Variants in NAV2 observed in about 807,000 individuals in gnomAD.
NAV2 encodes the protein helicase, APC down-regulated 1.
Under a neutral mutation model 223.2 loss-of-function variants are expected in NAV2, and 54 were observed. That is an observed-to-expected ratio of 0.24 (90% CI 0.19 to 0.30). NAV2 has a LOEUF of 0.30. Ranked by LOEUF, NAV2 falls within the 10% of genes least tolerant of loss-of-function variation. The pLI, the probability that NAV2 is intolerant of heterozygous loss-of-function variation, is 1.00. For synonymous variants in NAV2, 1,279 were observed against 1,239.3 expected (o/e 1.03, Z -0.67); for missense variants, 2,806 against 3,147.5 (o/e 0.89, Z 2.60).
chr11:19,674,287 C>T (rs2048655962), intron 1 of NAV2, among the ~76,000 whole-genome samples: 1 of 152,182 alleles, frequency 6.6e-6, no homozygotes, highest in Non-Finnish European at 1.5e-5. Flanking sequence ...ATTTCCACTC[C>T]AGGGTACTTA....
exon 1 of NAV2, chr11:19,351,006 C>T (rs779146714): frequency 1.4e-5 from 21 of 1,551,552 alleles, no homozygotes; most frequent in Non-Finnish European, 7.0e-6. Flanking sequence ...CAGTTATCCA[C>T]GGACTGGAAG....
At chr11:20,040,026 A>T (rs2056764836) in intron 12 of NAV2, among the ~76,000 whole-genome samples, 1 of 152,182 alleles carries the variant, frequency 6.6e-6, no homozygotes, top group Admixed American at 6.5e-5. Context: ...GATGTGTAAA[A>T]TGTGGATAAT....
intron 35 of NAV2, chr11:20,107,425 G>T: frequency 1.8e-6 from 1 of 541,254 alleles, no homozygotes; most frequent in East Asian, 3.1e-5. Context: ...GCCACAGTGA[G>T]CATCTTCCCC....
At chr11:19,535,637 A>C (rs2044163184) in intron 1 of NAV2, among the ~76,000 whole-genome samples, 1 of 152,222 alleles carries the variant, frequency 6.6e-6, no homozygotes, top group Admixed American at 6.5e-5. Context: ...TTAATAAATT[A>C]TCTCTCAGCG....
intron 1 of NAV2, among the ~76,000 whole-genome samples, chr11:19,670,761 C>G (rs191653713): frequency 6.6e-6 from 1 of 152,352 alleles, no homozygotes; most frequent in East Asian, 1.9e-4. Context: ...GATGCTGCAG[C>G]TTGCGGGCAC....
intron 1 of NAV2, among the ~76,000 whole-genome samples, chr11:19,587,105 C>T (rs897954874): frequency 5.9e-5 from 9 of 152,186 alleles, no homozygotes; most frequent in Non-Finnish European, 8.8e-5. Context: ...GCCTTGCTGC[C>T]GCCTTGCAGT....
At chr11:19,911,851 C>A (rs1277402906) in intron 6 of NAV2, among the ~76,000 whole-genome samples, 1 of 152,120 alleles carries the variant, frequency 6.6e-6, no homozygotes, top group Non-Finnish European at 1.5e-5. Context: ...ATCCAGTGAT[C>A]GGTTTATTTG....
At chr11:19,860,183 T>C (rs1198216026) in intron 3 of NAV2, among the ~76,000 whole-genome samples, 2 of 135,248 alleles carry the variant, frequency 1.5e-5, no homozygotes, top group Non-Finnish European at 1.6e-5. Flanking sequence ...ACCCCCCACC[T>C]CCCTCCCAGA....
chr11:19,799,543 C>G (rs749107359), intron 1 of NAV2, among the ~76,000 whole-genome samples: 1 of 146,396 alleles, frequency 6.8e-6, no homozygotes, highest in Non-Finnish European at 1.5e-5. Flanking sequence ...CTGGCCAGGA[C>G]GCCCGTTATA....
chr11:19,866,130 C>T (rs536422887), intron 3 of NAV2, among the ~76,000 whole-genome samples: 18 of 152,384 alleles, frequency 1.2e-4, no homozygotes, highest in African/African-American at 4.1e-4. Flanking sequence ...CAGACATCTA[C>T]ACAATGATGT....
At chr11:19,887,807 G>A (rs183513999) in intron 5 of NAV2, among the ~76,000 whole-genome samples, 90 of 152,176 alleles carry the variant, frequency 5.9e-4, no homozygotes, top group Non-Finnish European at 1.1e-3. Flanking sequence ...GATTTAGTAT[G>A]TAATCATCTC....
intron 1 of NAV2, among the ~76,000 whole-genome samples, chr11:19,410,183 G>T (rs1289531905): frequency 6.6e-6 from 1 of 152,174 alleles, no homozygotes; most frequent in Non-Finnish European, 1.5e-5. Context: ...TATAGAACAT[G>T]CAGAGGCAGC....
intron 1 of NAV2, among the ~76,000 whole-genome samples, chr11:19,781,442 G>A (rs529328478): frequency 5.3e-4 from 80 of 152,244 alleles, no homozygotes; most frequent in African/African-American, 1.6e-3. Context: ...ACCCTTCAGC[G>A]TCTTGGAAAA....
chr11:19,841,841 C>G (rs568010137), intron 2 of NAV2, among the ~76,000 whole-genome samples: 1 of 152,260 alleles, frequency 6.6e-6, no homozygotes, highest in South Asian at 2.1e-4. Context: ...ATGATACTAC[C>G]ATTTAGAGAA....
intron 10 of NAV2, among the ~76,000 whole-genome samples, chr11:19,966,414 G>T (rs1182042927): frequency 6.6e-6 from 1 of 152,140 alleles, no homozygotes; most frequent in South Asian, 2.1e-4. Context: ...AGAGCATGGT[G>T]CATCATGGGC....
intron 4 of NAV2, among the ~76,000 whole-genome samples, chr11:19,873,900 T>G (rs1188682923): frequency 6.6e-6 from 1 of 152,154 alleles, no homozygotes; most frequent in Non-Finnish European, 1.5e-5. Context: ...ATGCTGATTA[T>G]GCAGCCGGCC....
chr11:19,471,518 A>C (rs2729879), intron 1 of NAV2, among the ~76,000 whole-genome samples: 23,341 of 152,094 alleles, frequency 0.15, 1,922 homozygotes, highest in East Asian at 0.23. Context: ...CTGGTGAAGG[A>C]GGTGCTATTA....
chr11:20,014,699 C>G (rs1460962567), intron 11 of NAV2, among the ~76,000 whole-genome samples: 4 of 152,130 alleles, frequency 2.6e-5, no homozygotes, highest in African/African-American at 4.8e-5. Context: ...GTCAGGAGTT[C>G]AAGACCAGCC....
At chr11:19,971,849 C>T (rs2049277146) in intron 10 of NAV2, among the ~76,000 whole-genome samples, 1 of 152,174 alleles carries the variant, frequency 6.6e-6, no homozygotes, top group African/African-American at 2.4e-5. Flanking sequence ...ATTACAGGCA[C>T]GTGCCACTAT....
Sources: gnomAD v4.1 joint callset for allele counts (sites outside exome capture counted in the v4.1 genomes callset) on GRCh38, gnomAD v4.1.1 for gene constraint, MANE v1.5 for transcripts, NCBI Gene and HGNC (gene_info 2026-07-23, HGNC 2026-07-21) for gene names.